The following GAK variants were observed in gnomAD, a reference collection of about 807,000 sequenced individuals.
The protein encoded by GAK is cyclin-G-associated kinase.
GAK carries 79 observed loss-of-function variants against 143.9 expected under a neutral mutation model. That is an observed-to-expected ratio of 0.55 (90% CI 0.46 to 0.66). The LOEUF (loss-of-function observed/expected upper bound fraction) is 0.66, where lower values mean the gene tolerates loss of function less well. Among genes scored for constraint, GAK ranks in the 30% least tolerant of loss-of-function variants. GAK has a pLI of 0.00. For synonymous variants in GAK, 881 were observed against 765.5 expected (o/e 1.15, Z -2.49); for missense variants, 1,693 against 1,779.7 (o/e 0.95, Z 0.88).
At chr4:871,345 C>T (rs1712574499) in intron 18 of GAK, among the ~76,000 whole-genome samples, 1 of 152,252 alleles carries the variant, frequency 6.6e-6, no homozygotes, top group East Asian at 1.9e-4. Flanking sequence ...AAGGCAGGCG[C>T]TGGCCCTCAC....
chr4:897,894 A>G, intron 6 of GAK, 139 bp downstream of exon 6: 1 of 944,258 alleles, frequency 1.1e-6, no homozygotes, highest in Non-Finnish European at 1.5e-6. Context: ...GGTTGCAGTG[A>G]GCCGGGATTG....
intron 24 of GAK, among the ~76,000 whole-genome samples, chr4:857,588 G>A (rs1749513914): frequency 6.6e-6 from 1 of 152,154 alleles, no homozygotes; most frequent in African/African-American, 2.4e-5. Context: ...CAAGCATACT[G>A]CACAGAGGCG....
chr4:914,549 C>T (rs1345683441), intron 1 of GAK, among the ~76,000 whole-genome samples: 1 of 124,628 alleles, frequency 8.0e-6, no homozygotes, highest in African/African-American at 3.1e-5. Context: ...CACACACAGC[C>T]CCAGCGTGCA....
chr4:928,841 G>A (rs937868099), intron 1 of GAK, among the ~76,000 whole-genome samples: 11 of 151,844 alleles, frequency 7.2e-5, no homozygotes, highest in African/African-American at 2.7e-4. Flanking sequence ...TTGGCTCACC[G>A]CATCCTCCAC....
At position 902,605 on chromosome 4, in the gene GAK, A is replaced by ACAAAAAAAAAAC. The variant is rs1553889061; in HGVS notation, c.525+2031_525+2032insGTTTTTTTTTTG. Among the ~76,000 whole-genome samples, 76 of 130,388 alleles carry ACAAAAAAAAAAC rather than the reference A, an allele frequency of 5.8e-4. 3 individuals carry two copies. The East Asian group carries it at 0.017, about 29-fold the overall frequency. 85.5% of individuals were successfully genotyped at this position (130,388 alleles called of 152,430 possible). ...TGTAGAGTGACTGACTCAAAAAAAA[A>ACAAAAAAAAAAC]AAAAAAAAACCCCAAAAAACCTCTT... On this transcript the variant is annotated intron_variant, in intron 5 of 27. Transcript: ENST00000314167.
chr4:849,346 G>A lies in GAK; in HGVS notation c.*327C>T, dbSNP rs1747638753. 3 of 411,488 alleles carry A rather than the reference G, an allele frequency of 7.3e-6. No individual in the cohort carries two copies. Among genetic ancestry groups the A allele is most frequent in the South Asian group, 5.6e-5 (2 of 35,756 alleles). The allele number at this position is 411,488 out of a possible 1,614,324, so 25.5% of individuals were successfully genotyped here. ...ATTACAAAGTGCGGTGCAAACACCA[G>A]GGCCCATGAGCGCCAGCAGCGTGGC... On this transcript the variant is annotated 3_prime_UTR_variant, in exon 28 of 28. Coordinates refer to ENST00000314167, the MANE Select transcript of GAK (RefSeq NM_005255.4).
In GAK at chr4:851,923, G is replaced by A. The variant is rs371404744; in HGVS notation, c.3335C>T (p.Thr1112Met). ...CTGCCAGGAGCTGCTGCCTTTGGGC[G>A]TGGTGGCCGTTTTGGGAATGAAGCC... ...PGGFIPKTAT[T>M]PKGSSSWQTS... The change falls in exon 25 of 28, where the codon ACG (threonine) becomes ATG (methionine). Residue 1112 changes from threonine to methionine, a missense_variant. This residue lies in a region of GAK where 822 missense variants were observed against 788.7 expected (regional missense o/e 1.04). Coordinates refer to ENST00000314167, the MANE Select transcript of GAK (RefSeq NM_005255.4). The A allele has an allele frequency of 1.0e-4, 168 of 1,613,656 alleles. 2 individuals are homozygous for A. The South Asian group carries it at 1.5e-3, about 14-fold the overall frequency.
At chr4:922,514 C>CA (rs35567795) in intron 1 of GAK, among the ~76,000 whole-genome samples, 21,610 of 62,360 alleles carry the variant, frequency 0.35, 3,336 homozygotes, top group Middle Eastern at 0.5. Context: ...GACTCCATCT[C>CA]AAAAAAAAAA....
chr4:895,492 G>A (rs908647084), intron 7 of GAK, among the ~76,000 whole-genome samples: 4 of 152,168 alleles, frequency 2.6e-5, no homozygotes, highest in African/African-American at 9.7e-5. Flanking sequence ...ACTCCTCAAG[G>A]GACACAGGGC....
chr4:853,082 C>T (rs1748472358), intron 24 of GAK: 1 of 152,064 alleles, frequency 6.6e-6, no homozygotes, highest in South Asian at 2.1e-4. Flanking sequence ...CCGCTGGCCT[C>T]ACCTCCCACA....
At chr4:877,004 G>C in intron 17 of GAK, 86 bp downstream of exon 17, 1 of 915,372 alleles carries the variant, frequency 1.1e-6, no homozygotes. Flanking sequence ...TGGACCCTCG[G>C]TGAGAAGTGA....
In GAK at chr4:849,633, A is replaced by G; in HGVS notation, c.*40T>C. 3.9e-6 allele frequency: 6 copies of G among 1,521,170 alleles called. No individual in the cohort carries two copies. The highest frequency in any genetic ancestry group is 5.4e-6 in the Non-Finnish European group (6 of 1,102,980). The allele number at this position is 1,521,170 out of a possible 1,614,324, so 94.2% of individuals were successfully genotyped here. On this transcript the variant is annotated 3_prime_UTR_variant, in exon 28 of 28. Transcript: ENST00000314167. Reference sequence around the variant, plus strand: ...GGACCCAGGTCCCACGACGGCTCCCAACCTGTGGAGCTGTGTGCGCAGCCA... The same window carrying G: ...GGACCCAGGTCCCACGACGGCTCCCGACCTGTGGAGCTGTGTGCGCAGCCA...
rs1715233364 is a variant in GAK, at chr4:882,046, A to G, written c.1528-6T>C. 1 of 1,597,958 alleles carries G rather than the reference A, an allele frequency of 6.3e-7. No individual in the cohort carries two copies. The highest frequency in any genetic ancestry group is 1.3e-5 in the African/African-American group (1 of 74,646). On this transcript the variant is annotated splice_polypyrimidine_tract_variant and splice_region_variant and intron_variant, in intron 14 of 27. Coordinates refer to ENST00000314167, the MANE Select transcript of GAK (RefSeq NM_005255.4). ...GCAGACGCGGCTCTCCCGTCCTAGG[A>G]CAGACAGACACGTCTCGCGTGCGCC... is the stretch of plus-strand genomic sequence containing the variant.
chr4:850,024 C>G lies in GAK; in HGVS notation c.3702G>C (p.Leu1234=), dbSNP rs1747832924. The part of the protein sequence containing the change: ...IEGKERNIRA[L]LSTLHTVLWD... ...ACAGCACTGTGTGCAGCGTGGACAG[C>G]AGGGCCCGGATGTTCCGCTCCTTGC... is the stretch of plus-strand genomic sequence containing the variant. The change falls in exon 27 of 28, where the codon CTG becomes CTC. Residue 1234 remains leucine, a synonymous_variant. Coordinates refer to ENST00000314167, the MANE Select transcript of GAK (RefSeq NM_005255.4). 1.2e-6 allele frequency: 2 copies of G among 1,604,070 alleles called. No homozygotes were observed. The highest frequency in any genetic ancestry group is 2.2e-5 in the South Asian group (2 of 90,078).
chr4:850,009 G>A lies in GAK; in HGVS notation c.3717C>T (p.His1239=), dbSNP rs751476632. The change falls in exon 27 of 28, where the codon CAC becomes CAT. Residue 1239 remains histidine, a synonymous_variant. Transcript: ENST00000314167. Reference sequence around the variant, plus strand: ...GGCTCTCCCCGTCCCACAGCACTGTGTGCAGCGTGGACAGCAGGGCCCGGA... The same window carrying A: ...GGCTCTCCCCGTCCCACAGCACTGTATGCAGCGTGGACAGCAGGGCCCGGA... ...RNIRALLSTL[H]TVLWDGESRW... 1.9e-6 allele frequency: 3 copies of A among 1,609,110 alleles called. No individual in the cohort carries two copies. The highest frequency in any genetic ancestry group is 1.7e-6 in the Non-Finnish European group (2 of 1,177,738).
At position 896,523 on chromosome 4, in the gene GAK, A is replaced by G; in HGVS notation, c.678T>C (p.Tyr226=). 1 of 1,613,756 alleles carries G rather than the reference A, an allele frequency of 6.2e-7. No individual in the cohort carries two copies. The highest frequency in any genetic ancestry group is 1.1e-5 in the South Asian group (1 of 91,084). ...ACAAGTCTATGATTTCTGGTGTTCT[A>G]TACATTGGTGTTGTATTCCTCGTGA... is the stretch of plus-strand genomic sequence containing the variant. ...EEITRNTTPM[Y]RTPEIIDLYS... is the part of the protein sequence containing the mutation. Residue 226 remains tyrosine (Y), a synonymous_variant, in exon 7 of 28, where the codon TAT becomes TAC. Transcript: ENST00000314167.
chr4:906,774 C>T (rs1014283230), intron 4 of GAK, among the ~76,000 whole-genome samples: 7 of 152,174 alleles, frequency 4.6e-5, no homozygotes, highest in African/African-American at 1.7e-4. Flanking sequence ...AGAGCCAAGG[C>T]CAGTACCACC....
At position 877,201 on chromosome 4, in the gene GAK, A is replaced by T; in HGVS notation, c.1863T>A (p.Phe621Leu). ...TSQEYDKMRD[F>L]KIEDGKAVIP... is the part of the protein sequence containing the mutation. Reference sequence around the variant, plus strand: ...TCACCGCTTTGCCATCTTCAATCTTAAAGTCCCTAAGGACAGAATGACAAG... The same window carrying T: ...TCACCGCTTTGCCATCTTCAATCTTTAAGTCCCTAAGGACAGAATGACAAG... Residue 621 changes from phenylalanine (F) to leucine (L), a missense_variant, in exon 17 of 28, where the codon TTT becomes TTA. By Grantham distance (22) the Phe-to-Leu change is conservative. Transcript: ENST00000314167. 1 of 1,609,820 alleles carries T rather than the reference A, an allele frequency of 6.2e-7. No homozygotes were observed. Among genetic ancestry groups the T allele is most frequent in the South Asian group, 1.1e-5 (1 of 90,992 alleles).
intron 4 of GAK, 79 bp from the exon 5 acceptor site, chr4:904,858 T>C: frequency 2.1e-6 from 3 of 1,406,012 alleles, no homozygotes; most frequent in Non-Finnish European, 2.9e-6. Flanking sequence ...TCACGCGGAC[T>C]TCCCAGAACT....
Sources: allele counts gnomAD v4.1 joint callset (sites outside exome capture counted in the v4.1 genomes callset), GRCh38; gene constraint gnomAD v4.1.1; regional missense constraint gnomAD v4.1.1; transcripts MANE v1.5; gene names NCBI Gene and HGNC (gene_info 2026-07-23, HGNC 2026-07-21).